HIPK1: variants seen among roughly 807,000 people sequenced by gnomAD.
HIPK1 encodes homeodomain interacting protein kinase 1, also known as homeodomain-interacting protein kinase 1.
In HIPK1, 28 loss-of-function variants were observed where a neutral mutation model predicts 117.1. The observed-to-expected ratio is 0.24, with a 90% CI of 0.18 to 0.33. The LOEUF is 0.33. Among genes scored for constraint, HIPK1 ranks in the 10% least tolerant of loss-of-function variants. The pLI, the probability that HIPK1 is intolerant of heterozygous loss-of-function variation, is 1.00. For synonymous variants in HIPK1, 605 were observed against 562.5 expected, an observed-to-expected ratio of 1.08 and a Z score of -1.07; for missense variants, 1,122 against 1,475.1, an observed-to-expected ratio of 0.76 and a Z score of 3.92.
intron 8 of HIPK1, among the ~76,000 whole-genome samples, chr1:113,960,158 C>T (rs1671999640): frequency 6.6e-6 from 1 of 152,132 alleles, no homozygotes; most frequent in Non-Finnish European, 1.5e-5. Context: ...TACAAGATGA[C>T]TATACTTACA....
At chr1:113,948,018 GT>G (rs1671102262) in intron 2 of HIPK1, among the ~76,000 whole-genome samples, 1 of 152,158 alleles carries the variant, frequency 6.6e-6, no homozygotes, top group African/African-American at 2.4e-5. Context: ...TGTCTGTAGA[GT>G]TTATATTGAG....
chr1:113,943,553 G>T (rs1277865166), intron 2 of HIPK1, among the ~76,000 whole-genome samples: 1 of 152,118 alleles, frequency 6.6e-6, no homozygotes, highest in East Asian at 1.9e-4. Flanking sequence ...TTGGGTTGTT[G>T]CTACCTTTAG....
intron 2 of HIPK1, among the ~76,000 whole-genome samples, chr1:113,949,396 T>G (rs1248677622): frequency 6.6e-6 from 1 of 152,134 alleles, no homozygotes; most frequent in Non-Finnish European, 1.5e-5. Flanking sequence ...GTAGAAAATT[T>G]TGTTCCTTTT....
intron 1 of HIPK1, 118 bp downstream of exon 1, chr1:113,929,650 A>T: frequency 1.0e-6 from 1 of 1,002,488 alleles, no homozygotes; most frequent in Non-Finnish European, 1.3e-6. Context: ...GCTGCGGAGC[A>T]AGGGGCCCGG....
rs953027789 is a variant in HIPK1, at chr1:113,958,118, C to T, written c.1808C>T (p.Ala603Val). The T allele has an allele frequency of 1.2e-6, 2 of 1,614,050 alleles. No homozygotes were observed. Among genetic ancestry groups the T allele is most frequent in the African/African-American group, 2.7e-5 (2 of 74,922 alleles). The change falls in exon 8 of 16, where the codon GCT becomes GTT. Residue 603 changes from alanine (A) to valine (V), a missense_variant. Around this residue, in one of 6 missense-constraint regions of HIPK1, gnomAD observed 731 missense variants for 860.4 expected, o/e 0.85. Coordinates refer to ENST00000426820, the MANE Select transcript of HIPK1 (RefSeq NM_198268.3). ...STAAAATLSL[A>V]NSDVSLLNYQ... ...GCAGCAGCTGCTACTCTTTCTCTGG[C>T]TAATTCAGATGTCTCACTACTAAAC... is the stretch of plus-strand genomic sequence containing the variant.
chr1:113,933,238 A>G, intron 1 of HIPK1: 2 of 975,346 alleles, frequency 2.1e-6, no homozygotes, highest in Non-Finnish European at 2.4e-6. Context: ...TAGAAGGGTA[A>G]GTAAAAGTTA....
rs1039244312 is a variant in HIPK1, at chr1:113,975,082, G to C, written c.*1570G>C. 22 of 152,830 alleles carry C rather than the reference G, an allele frequency of 1.4e-4. No individual in the cohort carries two copies. The highest frequency in any genetic ancestry group is 5.3e-4 in the African/African-American group (22 of 41,454). 9.5% of individuals were successfully genotyped at this position (152,830 alleles called of 1,614,324 possible). On this transcript the variant is annotated 3_prime_UTR_variant, in exon 16 of 16. Transcript: ENST00000426820. Reference sequence around the variant, plus strand: ...TGTTTTGCACAGGTGTGTCTGGTGAGGAGTTTTTCAGTGTGTGTCTCTTCC... The same window carrying C: ...TGTTTTGCACAGGTGTGTCTGGTGACGAGTTTTTCAGTGTGTGTCTCTTCC...
Position 113,955,611 on chromosome 1 carries a change from C to T in HIPK1, c.1369C>T (p.Arg457Trp). The T allele has an allele frequency of 1.2e-6, 2 of 1,607,614 alleles. No individual in the cohort carries two copies. The highest frequency in any genetic ancestry group is 1.7e-6 in the Non-Finnish European group (2 of 1,174,562). The change falls in exon 5 of 16, where the codon CGG becomes TGG. Residue 457 changes from arginine to tryptophan, a missense_variant. Coordinates refer to ENST00000426820, the MANE Select transcript of HIPK1 (RefSeq NM_198268.3). ...GACTGGAATAAAATCAAAAGAAGCT[C>T]GGAAGTACATTTTTAATTGCTTAGA... is the stretch of plus-strand genomic sequence containing the variant. ...LETGIKSKEA[R>W]KYIFNCLDDM...
Position 113,971,972 on chromosome 1 carries a change from C to T in HIPK1, c.3144+18C>T. 1 of 1,612,906 alleles carries T rather than the reference C, an allele frequency of 6.2e-7. No individual in the cohort carries two copies. Among genetic ancestry groups the T allele is most frequent in the East Asian group, 2.2e-5 (1 of 44,860 alleles). ...TTAGCCAGGTAAGTGCTATGGGCTA[C>T]TGCCTTCTGTTTGGGCCCTGCACTG... On this transcript the variant is annotated intron_variant, in intron 15 of 15. Transcript: ENST00000426820.
At chr1:113,966,744 T>A (rs1672470735) in intron 11 of HIPK1, among the ~76,000 whole-genome samples, 1 of 152,108 alleles carries the variant, frequency 6.6e-6, no homozygotes, top group Admixed American at 6.6e-5. Flanking sequence ...TTACAAATAA[T>A]CCAATTACAC....
At chr1:113,945,982 A>G (rs1296786263) in intron 2 of HIPK1, among the ~76,000 whole-genome samples, 3 of 152,164 alleles carry the variant, frequency 2.0e-5, no homozygotes, top group East Asian at 1.9e-4. Context: ...ATTTCTTTAT[A>G]TCTTTTCACA....
At chr1:113,947,505 C>T (rs771364240) in intron 2 of HIPK1, among the ~76,000 whole-genome samples, 1 of 152,136 alleles carries the variant, frequency 6.6e-6, no homozygotes, top group Non-Finnish European at 1.5e-5. Flanking sequence ...TTTTATGTAA[C>T]CTCTCTAATT....
In HIPK1 at chr1:113,955,498, G is replaced by A. The variant is rs1300591509; in HGVS notation, c.1321-65G>A. On this transcript the variant is annotated intron_variant, in intron 4 of 15. Coordinates refer to ENST00000426820, the MANE Select transcript of HIPK1 (RefSeq NM_198268.3). ...ACTTGTCTCTTGTATTCTGGCTTTG[G>A]TTTTGAATAAAATGTGAAAATAACA... The A allele has an allele frequency of 4.3e-4, 436 of 1,007,896 alleles. 1 individual carries two copies. The highest frequency in any genetic ancestry group is 1.6e-4 in the Non-Finnish European group (108 of 656,794). The allele number at this position is 1,007,896 out of a possible 1,614,324, so 62.4% of individuals were successfully genotyped here.
chr1:113,973,136 A>G lies in HIPK1; in HGVS notation c.3257A>G (p.His1086Arg). 6.3e-7 allele frequency: 1 copy of G among 1,599,280 alleles called. No homozygotes were observed. Among genetic ancestry groups the G allele is most frequent in the Non-Finnish European group, 8.5e-7 (1 of 1,172,594 alleles). Residue 1086 changes from histidine (H) to arginine (R), a missense_variant, in exon 16 of 16, where the codon CAT becomes CGT. Physicochemically the swap from His to Arg is conservative, Grantham distance 29 (BLOSUM62 0). Around this residue, in one of 6 missense-constraint regions of HIPK1, gnomAD observed 731 missense variants for 860.4 expected, o/e 0.85. Coordinates refer to ENST00000426820, the MANE Select transcript of HIPK1 (RefSeq NM_198268.3). Reference sequence around the variant, plus strand: ...TCCCAAGCCCCCTACACCTTCCAGCATGGCAGCCCGCTACACTCGACAGGG... The same window carrying G: ...TCCCAAGCCCCCTACACCTTCCAGCGTGGCAGCCCGCTACACTCGACAGGG... Reference protein sequence around the residue: ...PLSQAPYTFQHGSPLHSTGHP... With the variant: ...PLSQAPYTFQRGSPLHSTGHP...
intron 1 of HIPK1, among the ~76,000 whole-genome samples, chr1:113,937,433 G>C (rs1340997923): frequency 6.6e-6 from 1 of 151,216 alleles, no homozygotes; most frequent in Non-Finnish European, 1.5e-5. Flanking sequence ...CATGACTCAA[G>C]GACCACACAG....
In HIPK1 at chr1:113,968,461, C is replaced by A; in HGVS notation, c.2584C>A (p.Pro862Thr). 1 of 1,613,598 alleles carries A rather than the reference C, an allele frequency of 6.2e-7. No individual in the cohort carries two copies. The highest frequency in any genetic ancestry group is 8.5e-7 in the Non-Finnish European group (1 of 1,179,484). The change falls in exon 13 of 16, where the codon CCT (proline) becomes ACT (threonine). Residue 862 changes from proline (P) to threonine (T), a missense_variant. Around this residue, in one of 6 missense-constraint regions of HIPK1, gnomAD observed 731 missense variants for 860.4 expected, o/e 0.85. Coordinates refer to ENST00000426820, the MANE Select transcript of HIPK1 (RefSeq NM_198268.3). The stretch of plus-strand genomic sequence containing the variant: ...CTACAGGTCCTCTCTAGATGTTCTG[C>A]CTTCCCAAGTCTATTCTCTGGTTGG... ...VSSKSSLDVL[P>T]SQVYSLVGSS... is the part of the protein sequence containing the mutation.
intron 1 of HIPK1, among the ~76,000 whole-genome samples, chr1:113,938,236 C>A: frequency 6.6e-6 from 1 of 151,548 alleles, no homozygotes; most frequent in South Asian, 2.1e-4. Flanking sequence ...TCCTAAAGTG[C>A]CAGGATTACA....
intron 2 of HIPK1, among the ~76,000 whole-genome samples, chr1:113,942,439 G>A (rs551668209): frequency 9.9e-5 from 15 of 152,130 alleles, no homozygotes; most frequent in Admixed American, 2.6e-4. Flanking sequence ...CTGTTTTTTC[G>A]AACCTCTTAT....
intron 1 of HIPK1, 148 bp from the exon 2 acceptor site, chr1:113,940,232 CAA>C: frequency 1.3e-6 from 1 of 743,452 alleles, no homozygotes; most frequent in Non-Finnish European, 2.2e-6. Context: ...GAATATAGGT[CAA>C]GATTGAATTA....
Sources: allele counts gnomAD v4.1 joint callset (sites outside exome capture counted in the v4.1 genomes callset), GRCh38; gene constraint gnomAD v4.1.1; regional missense constraint gnomAD v4.1.1; transcripts MANE v1.5; gene names NCBI Gene and HGNC (gene_info 2026-07-23, HGNC 2026-07-21).